Variants in TAFA1 observed in about 807,000 individuals in gnomAD.
TAFA1 encodes the protein TAFA chemokine like family member 1, also known as chemokine-like protein TAFA-1.
In TAFA1, 4 loss-of-function variants were observed where a neutral mutation model predicts 18.5. The observed-to-expected ratio is 0.22, with a 90% CI of 0.11 to 0.49. The LOEUF (loss-of-function observed/expected upper bound fraction) is 0.49. TAFA1 is among the 20% of genes least tolerant of loss of function. TAFA1 has a pLI of 0.98. For synonymous variants in TAFA1, 56 were observed against 55.2 expected (o/e 1.01, Z -0.06); for missense variants, 147 against 169.0 (o/e 0.87, Z 0.72).
intron 2 of TAFA1, among the ~76,000 whole-genome samples, chr3:68,054,920 T>C (rs558748856): frequency 6.6e-6 from 1 of 152,322 alleles, no homozygotes; most frequent in African/African-American, 2.4e-5. Flanking sequence ...CTTAATCTAG[T>C]ACTACGTATG....
intron 2 of TAFA1, among the ~76,000 whole-genome samples, chr3:68,225,878 G>A (rs1174623698): frequency 9.5e-6 from 1 of 105,594 alleles, no homozygotes; most frequent in Admixed American, 1.2e-4. Flanking sequence ...CAGGTTTGCT[G>A]TAAGCATAAA....
At chr3:68,415,018 C>T (rs2070782902) in intron 2 of TAFA1, among the ~76,000 whole-genome samples, 1 of 152,122 alleles carries the variant, frequency 6.6e-6, no homozygotes. Flanking sequence ...GACATGATTG[C>T]AGGTGTCTGA....
At position 68,266,108 on chromosome 3, in the gene TAFA1, C is replaced by T. The variant is rs529126840; in HGVS notation, c.119-151172C>T. Among the ~76,000 whole-genome samples, 8 of 152,140 alleles carry T rather than the reference C, an allele frequency of 5.3e-5. No individual in the cohort carries two copies. In the East Asian group the frequency reaches 1.2e-3, roughly 22 times the overall value. Reference sequence around the variant, plus strand: ...CCCTTCATAGGCAAAAGAAAGCACCCGTGATAAGTATACTATTAAGGAAAA... The same window carrying T: ...CCCTTCATAGGCAAAAGAAAGCACCTGTGATAAGTATACTATTAAGGAAAA... On this transcript the variant is annotated intron_variant, in intron 2 of 4. Coordinates refer to ENST00000478136, the MANE Select transcript of TAFA1 (RefSeq NM_213609.4).
intron 2 of TAFA1, among the ~76,000 whole-genome samples, chr3:68,225,032 C>A (rs1454423174): frequency 2.7e-5 from 4 of 150,768 alleles, no homozygotes; most frequent in Non-Finnish European, 5.9e-5. Flanking sequence ...CCTCAGCCTC[C>A]CGAGTAGCTG....
intron 2 of TAFA1, among the ~76,000 whole-genome samples, chr3:68,390,818 G>A (rs182992122): frequency 1.6e-4 from 25 of 152,154 alleles, no homozygotes; most frequent in Non-Finnish European, 2.5e-4. Context: ...CATCAACATC[G>A]CAAAAAGGAT....
At chr3:68,374,646 C>T (rs1176924729) in intron 2 of TAFA1, among the ~76,000 whole-genome samples, 1 of 152,114 alleles carries the variant, frequency 6.6e-6, no homozygotes, top group African/African-American at 2.4e-5. Context: ...TCATCTATAA[C>T]CCCATCCCAT....
intron 2 of TAFA1, among the ~76,000 whole-genome samples, chr3:68,032,158 C>T (rs146472715): frequency 2.3e-4 from 35 of 152,192 alleles, no homozygotes; most frequent in African/African-American, 7.0e-4. Flanking sequence ...AACAGCTTAT[C>T]TGGTCTATAT....
At chr3:68,016,804 T>C (rs1704579256) in intron 2 of TAFA1, among the ~76,000 whole-genome samples, 1 of 152,232 alleles carries the variant, frequency 6.6e-6, no homozygotes, top group Non-Finnish European at 1.5e-5. Context: ...CATATTCTCA[T>C]GACCCATAAT....
At chr3:68,104,503 A>G (rs1470333162) in intron 2 of TAFA1, among the ~76,000 whole-genome samples, 1 of 152,016 alleles carries the variant, frequency 6.6e-6, no homozygotes, top group South Asian at 2.1e-4. Context: ...AATGGAATAT[A>G]TTGTCATTAA....
intron 2 of TAFA1, among the ~76,000 whole-genome samples, chr3:68,279,122 C>T (rs1282257094): frequency 6.6e-6 from 1 of 152,152 alleles, no homozygotes; most frequent in African/African-American, 2.4e-5. Context: ...CCATGTCTAA[C>T]CTAGAACCAA....
At chr3:68,199,465 G>T (rs978445831) in intron 2 of TAFA1, among the ~76,000 whole-genome samples, 1 of 151,462 alleles carries the variant, frequency 6.6e-6, no homozygotes, top group Non-Finnish European at 1.5e-5. Context: ...CTGACATCTT[G>T]ACAATATTAA....
intron 2 of TAFA1, among the ~76,000 whole-genome samples, chr3:68,231,899 C>T (rs923824579): frequency 6.6e-6 from 1 of 152,118 alleles, no homozygotes; most frequent in East Asian, 1.9e-4. Flanking sequence ...TCTCTATAGA[C>T]TGGAAAAGCC....
At chr3:68,142,945 A>G (rs1033909055) in intron 2 of TAFA1, among the ~76,000 whole-genome samples, 2 of 150,858 alleles carry the variant, frequency 1.3e-5, no homozygotes, top group Non-Finnish European at 1.5e-5. Context: ...AAATCTTCAT[A>G]TATATAACAT....
At chr3:68,107,169 G>A (rs968032290) in intron 2 of TAFA1, among the ~76,000 whole-genome samples, 10 of 152,132 alleles carry the variant, frequency 6.6e-5, no homozygotes, top group Non-Finnish European at 1.5e-4. Context: ...GCGGTTTAGA[G>A]TAGGAGTATT....
chr3:68,438,183 C>A (rs1375765764), intron 3 of TAFA1, among the ~76,000 whole-genome samples: 1 of 152,018 alleles, frequency 6.6e-6, no homozygotes, highest in African/African-American at 2.4e-5. Context: ...ACAGACAAAA[C>A]CCTGTCTCTA....
chr3:68,251,672 C>T (rs2067199598), intron 2 of TAFA1, among the ~76,000 whole-genome samples: 1 of 152,060 alleles, frequency 6.6e-6, no homozygotes, highest in Non-Finnish European at 1.5e-5. Flanking sequence ...GGTGGAAGAA[C>T]CATCATGTGC....
intron 2 of TAFA1, among the ~76,000 whole-genome samples, chr3:68,322,160 A>G (rs1010648918): frequency 1.3e-5 from 2 of 152,266 alleles, no homozygotes; most frequent in African/African-American, 4.8e-5. Flanking sequence ...AATTACATAT[A>G]CAAGTACAAA....
chr3:68,330,399 G>A (rs1331568290), intron 2 of TAFA1, among the ~76,000 whole-genome samples: 1 of 152,172 alleles, frequency 6.6e-6, no homozygotes, highest in Non-Finnish European at 1.5e-5. Flanking sequence ...ATTACTTACT[G>A]TGTGGATTAT....
intron 2 of TAFA1, among the ~76,000 whole-genome samples, chr3:68,114,580 C>G (rs1338684061): frequency 6.6e-6 from 1 of 152,114 alleles, no homozygotes; most frequent in African/African-American, 2.4e-5. Flanking sequence ...ATACCAAGTG[C>G]TAAAAACGAT....
Sources: allele counts gnomAD v4.1 joint callset (sites outside exome capture counted in the v4.1 genomes callset), GRCh38; gene constraint gnomAD v4.1.1; transcripts MANE v1.5; gene names NCBI Gene and HGNC (gene_info 2026-07-23, HGNC 2026-07-21).